Variants in MGLL observed in about 807,000 individuals in gnomAD.
MGLL encodes monoglyceride lipase.
Under a neutral mutation model 29.1 loss-of-function variants are expected in MGLL, and 7 were observed. That is an observed-to-expected ratio of 0.24 (90% CI 0.14 to 0.45). The LOEUF (loss-of-function observed/expected upper bound fraction) is 0.45, where lower values mean the gene tolerates loss of function less well. Ranked by LOEUF, MGLL falls within the 20% of genes least tolerant of loss-of-function variation. MGLL has a pLI of 0.99. For synonymous variants in MGLL, 148 were observed against 168.3 expected, an observed-to-expected ratio of 0.88 and a Z score of 0.93; for missense variants, 356 against 413.6, an observed-to-expected ratio of 0.86 and a Z score of 1.21.
At chr3:127,717,855 C>G (rs1353652926) in intron 5 of MGLL, among the ~76,000 whole-genome samples, 1 of 152,140 alleles carries the variant, frequency 6.6e-6, no homozygotes, top group Non-Finnish European at 1.5e-5. Context: ...GCTGGGGGGC[C>G]ACAGTTCCAC....
chr3:127,774,538 C>G (rs2077000625), intron 3 of MGLL, among the ~76,000 whole-genome samples: 1 of 152,202 alleles, frequency 6.6e-6, no homozygotes, highest in Non-Finnish European at 1.5e-5. Flanking sequence ...CCATATTTCC[C>G]TGTTCAATTT....
chr3:127,742,674 G>A (rs977282613), intron 3 of MGLL, among the ~76,000 whole-genome samples: 5 of 149,822 alleles, frequency 3.3e-5, no homozygotes, highest in South Asian at 2.1e-4. Flanking sequence ...GTTTCTCCTC[G>A]CTTCTTTTCT....
At chr3:127,735,800 G>A (rs773294007) in intron 3 of MGLL, 1 of 1,598,298 alleles carries the variant, frequency 6.3e-7, no homozygotes, top group South Asian at 1.1e-5. Flanking sequence ...TATAAATTCT[G>A]GCATTCTCTT....
At chr3:127,711,100 C>G in intron 5 of MGLL, 1 of 240,732 alleles carries the variant, frequency 4.2e-6, no homozygotes, top group South Asian at 5.6e-5. Context: ...GAAGGGCCCA[C>G]AGGAGCCACA....
chr3:127,769,464 T>G (rs1192850699), intron 3 of MGLL, among the ~76,000 whole-genome samples: 1 of 152,220 alleles, frequency 6.6e-6, no homozygotes, highest in Non-Finnish European at 1.5e-5. Flanking sequence ...ACCTAGACGC[T>G]GCCCTCACTT....
chr3:127,735,782 G>T (rs1416855992), intron 3 of MGLL: 1 of 1,598,248 alleles, frequency 6.3e-7, no homozygotes, highest in Non-Finnish European at 8.5e-7. Context: ...TTTCAGAGGA[G>T]AAAAATGTAT....
At chr3:127,694,690 A>G (rs540796823) in intron 7 of MGLL, among the ~76,000 whole-genome samples, 1 of 152,194 alleles carries the variant, frequency 6.6e-6, no homozygotes, top group Non-Finnish European at 1.5e-5. Context: ...TTATTTGCTC[A>G]GTGCCCAGTT....
chr3:127,757,487 C>T (rs2076684859), intron 3 of MGLL, among the ~76,000 whole-genome samples: 1 of 152,102 alleles, frequency 6.6e-6, no homozygotes, highest in South Asian at 2.1e-4. Context: ...CACATATATA[C>T]AACCAGTGAG....
rs1056866457 is a variant in MGLL at position 127,761,168 on chromosome 3, G to T, written c.262+20621C>A. 3.3e-5 allele frequency among the ~76,000 whole-genome samples: 5 copies of T among 152,238 alleles called. No individual in the cohort carries two copies. Among genetic ancestry groups the T allele is most frequent in the African/African-American group, 1.2e-4 (5 of 41,458 alleles). On this transcript the variant is annotated intron_variant, in intron 3 of 7. Transcript: ENST00000265052. The surrounding 1 kb of genome is among the most constrained non-coding windows in gnomAD (Gnocchi z 4.6). ...GATGCGGAGAGCAGAGGCCCCAGTT[G>T]CTGTGTTCAGATAACGTACAATTCC... is the stretch of plus-strand genomic sequence containing the variant.
intron 6 of MGLL, among the ~76,000 whole-genome samples, chr3:127,697,198 G>T (rs1417702197): frequency 6.6e-6 from 1 of 152,240 alleles, no homozygotes; most frequent in African/African-American, 2.4e-5. Flanking sequence ...CACAGGGGGT[G>T]CTTCCCCAGG....
At chr3:127,727,702 G>A in intron 3 of MGLL, among the ~76,000 whole-genome samples, 1 of 63,050 alleles carries the variant, frequency 1.6e-5, no homozygotes, top group African/African-American at 4.8e-5. Flanking sequence ...ACAGAGCAAG[G>A]CTAAAAAAAA....
At chr3:127,774,464 T>C (rs483421) in intron 3 of MGLL, among the ~76,000 whole-genome samples, 13,080 of 152,250 alleles carry the variant, frequency 0.086, 1,868 homozygotes, top group African/African-American at 0.29. Context: ...AGGAGTGCAG[T>C]TGGGCATTCA....
chr3:127,816,088 T>C (rs528399539), intron 2 of MGLL, among the ~76,000 whole-genome samples: 1 of 152,314 alleles, frequency 6.6e-6, no homozygotes, highest in South Asian at 2.1e-4. Flanking sequence ...AAATGGCCAC[T>C]TGAAGGGACA....
chr3:127,805,575 A>AC (rs960187317), intron 2 of MGLL, among the ~76,000 whole-genome samples: 47 of 152,074 alleles, frequency 3.1e-4, no homozygotes, highest in Admixed American at 1.3e-3. Flanking sequence ...TATCATGCCC[A>AC]CCCCCCACTA....
chr3:127,770,727 C>G (rs1200231606), intron 3 of MGLL, among the ~76,000 whole-genome samples: 2 of 152,218 alleles, frequency 1.3e-5, no homozygotes, highest in African/African-American at 4.8e-5. Context: ...GCCACAAAAC[C>G]CTGTTGGAGT....
At chr3:127,709,519 A>G (rs528633815) in intron 6 of MGLL, among the ~76,000 whole-genome samples, 1 of 152,306 alleles carries the variant, frequency 6.6e-6, no homozygotes, top group African/African-American at 2.4e-5. Context: ...TCAGAGGGCC[A>G]GAAGGCCACA....
chr3:127,733,703 T>C (rs998868454), intron 3 of MGLL, among the ~76,000 whole-genome samples: 2 of 152,156 alleles, frequency 1.3e-5, no homozygotes, highest in Non-Finnish European at 2.9e-5. Flanking sequence ...ATGGCCTCAT[T>C]ATATCACTGT....
chr3:127,804,321 G>A (rs548945428), intron 2 of MGLL, among the ~76,000 whole-genome samples: 68 of 152,334 alleles, frequency 4.5e-4, no homozygotes, highest in African/African-American at 1.5e-3. Context: ...GCCACGGGGC[G>A]GACCAGACCC....
chr3:127,709,021 C>T (rs1490138085), intron 6 of MGLL, among the ~76,000 whole-genome samples: 2 of 152,226 alleles, frequency 1.3e-5, no homozygotes, highest in Non-Finnish European at 2.9e-5. Flanking sequence ...GGTTATTTAA[C>T]CTCTCCAAGC....
Sources: allele counts gnomAD v4.1 joint callset (sites outside exome capture counted in the v4.1 genomes callset), GRCh38; gene constraint gnomAD v4.1.1; non-coding constraint Gnocchi (gnomAD v3.1); transcripts MANE v1.5; gene names NCBI Gene and HGNC (gene_info 2026-07-23, HGNC 2026-07-21).